UNC13C: variants seen among roughly 807,000 people sequenced by gnomAD.
The protein encoded by UNC13C is protein unc-13 homolog C.
A neutral mutation model predicts 245.4 loss-of-function variants in UNC13C; 174 were observed. The observed-to-expected ratio is 0.71, with a 90% confidence interval of 0.63 to 0.80. The LOEUF (loss-of-function observed/expected upper bound fraction) is 0.80, where lower values mean the gene tolerates loss of function less well. Among genes scored for constraint, UNC13C ranks in the 30% least tolerant of loss-of-function variants. The pLI is 0.00. For synonymous variants in UNC13C, 992 were observed against 895.1 expected (o/e 1.11, Z -1.93); for missense variants, 2,829 against 2,602.9 (o/e 1.09, Z -1.89).
At chr15:54,608,240 G>C (rs74014260) in intron 30 of UNC13C, among the ~76,000 whole-genome samples, 4 of 152,052 alleles carry the variant, frequency 2.6e-5, no homozygotes, top group African/African-American at 4.8e-5. Flanking sequence ...AAAACAAAAA[G>C]ACGTAAAGGA....
At chr15:54,154,886 A>G (rs2032676474) in intron 4 of UNC13C, among the ~76,000 whole-genome samples, 1 of 152,218 alleles carries the variant, frequency 6.6e-6, no homozygotes, top group South Asian at 2.1e-4. Flanking sequence ...CTTCTGACCA[A>G]TATAAGAAGA....
chr15:53,880,620 TTAAAA>T, the UNC13C span, among the ~76,000 whole-genome samples: 3 of 152,126 alleles, frequency 2.0e-5, no homozygotes, highest in African/African-American at 7.2e-5. Flanking sequence ...CAGTCTGCTC[TTAAAA>T]TGAGAGGATT....
chr15:54,229,451 T>G (rs1028535764), intron 4 of UNC13C, among the ~76,000 whole-genome samples: 1 of 152,222 alleles, frequency 6.6e-6, no homozygotes, highest in East Asian at 1.9e-4. Flanking sequence ...CCTTGAAAGC[T>G]GACAGTCTTT....
At chr15:53,935,851 T>C in the UNC13C span, among the ~76,000 whole-genome samples, 1 of 151,920 alleles carries the variant, frequency 6.6e-6, no homozygotes, top group Non-Finnish European at 1.5e-5. Flanking sequence ...CCACCGGGGT[T>C]TTGGGTCCAA....
intron 25 of UNC13C, among the ~76,000 whole-genome samples, chr15:54,526,734 C>T (rs1458755855): frequency 2.5e-5 from 3 of 122,400 alleles, no homozygotes; most frequent in African/African-American, 3.3e-5. Context: ...ACAGAGACTC[C>T]GTCTAGAAAA....
intron 2 of UNC13C, among the ~76,000 whole-genome samples, chr15:54,062,807 G>A (rs572175375): frequency 1.3e-5 from 2 of 152,280 alleles, no homozygotes; most frequent in East Asian, 3.9e-4. Context: ...TAAATTTTGG[G>A]ACCTACTCAT....
the UNC13C span, among the ~76,000 whole-genome samples, chr15:53,891,915 G>T: frequency 6.6e-6 from 1 of 152,168 alleles, no homozygotes; most frequent in Middle Eastern, 3.2e-3. Context: ...GATGCTGGCT[G>T]GTTATTTTGT....
At chr15:54,424,584 G>A (rs1393912074) in intron 19 of UNC13C, among the ~76,000 whole-genome samples, 4 of 151,864 alleles carry the variant, frequency 2.6e-5, no homozygotes, top group African/African-American at 4.8e-5. Flanking sequence ...ACCTTTTCAA[G>A]CATTATAGAT....
intron 2 of UNC13C, among the ~76,000 whole-genome samples, chr15:54,054,091 G>A (rs1300815450): frequency 6.6e-6 from 1 of 152,184 alleles, no homozygotes; most frequent in Non-Finnish European, 1.5e-5. Flanking sequence ...AAACATGGGA[G>A]TGCAGATATC....
intron 19 of UNC13C, among the ~76,000 whole-genome samples, chr15:54,418,224 A>C (rs1238782396): frequency 6.6e-6 from 1 of 152,186 alleles, no homozygotes; most frequent in East Asian, 1.9e-4. Flanking sequence ...ATTAGCAAAC[A>C]CAGCCCACAG....
intron 1 of UNC13C, among the ~76,000 whole-genome samples, chr15:53,987,888 A>G (rs1894215725): frequency 6.6e-6 from 1 of 152,060 alleles, no homozygotes; most frequent in African/African-American, 2.4e-5. Context: ...AACTATCTAT[A>G]AAACATTTGG....
chr15:54,554,558 A>C (rs567605143), intron 28 of UNC13C, among the ~76,000 whole-genome samples: 16 of 152,184 alleles, frequency 1.1e-4, no homozygotes, highest in African/African-American at 3.9e-4. Context: ...AAAGTCACCT[A>C]CATAAGTTTA....
chr15:54,454,681 G>A (rs1891377287), intron 19 of UNC13C, among the ~76,000 whole-genome samples: 1 of 151,820 alleles, frequency 6.6e-6, no homozygotes, highest in African/African-American at 2.4e-5. Flanking sequence ...TCATGTAGGT[G>A]GAATCATACA....
chr15:54,495,980 G>A (rs1241342103), intron 20 of UNC13C, among the ~76,000 whole-genome samples: 1 of 151,922 alleles, frequency 6.6e-6, no homozygotes, highest in African/African-American at 2.4e-5. Flanking sequence ...TAAGTAGGAG[G>A]AATGAGTTCA....
intron 2 of UNC13C, among the ~76,000 whole-genome samples, chr15:54,101,206 G>T (rs184964404): frequency 5.1e-4 from 77 of 151,734 alleles, no homozygotes; most frequent in Non-Finnish European, 8.8e-4. Flanking sequence ...TTCTATCATG[G>T]TTCCTTTTTT....
At chr15:54,305,568 G>A (rs2037704304) in intron 13 of UNC13C, among the ~76,000 whole-genome samples, 1 of 151,882 alleles carries the variant, frequency 6.6e-6, no homozygotes, top group Admixed American at 6.6e-5. Context: ...CTAATGAATA[G>A]GTATTTTTCT....
chr15:54,280,755 C>CATATATACACATACAT (rs1567156923), intron 10 of UNC13C, among the ~76,000 whole-genome samples: 3 of 103,810 alleles, frequency 2.9e-5, no homozygotes, highest in Non-Finnish European at 6.1e-5. Flanking sequence ...TACATATATA[C>CATATATACACATACAT]ACATACATAC....
At chr15:54,437,250 AT>A (rs1471734714) in intron 19 of UNC13C, among the ~76,000 whole-genome samples, 1 of 151,954 alleles carries the variant, frequency 6.6e-6, no homozygotes, top group East Asian at 1.9e-4. Context: ...ATCTTTAGCT[AT>A]TTGATTATGC....
At chr15:54,606,302 C>G (rs149666089) in intron 30 of UNC13C, among the ~76,000 whole-genome samples, 1 of 152,118 alleles carries the variant, frequency 6.6e-6, no homozygotes, top group African/African-American at 2.4e-5. Flanking sequence ...ACAAACTTTG[C>G]AAAGCTTTGC....
Sources: gnomAD v4.1 joint callset for allele counts (sites outside exome capture counted in the v4.1 genomes callset) on GRCh38, gnomAD v4.1.1 for gene constraint, MANE v1.5 for transcripts, NCBI Gene and HGNC (gene_info 2026-07-23, HGNC 2026-07-21) for gene names.